Variants in CRIM1 observed in about 807,000 individuals in gnomAD.
CRIM1 encodes the protein cysteine rich transmembrane BMP regulator 1.
Under a neutral mutation model 116.4 loss-of-function variants are expected in CRIM1, and 32 were observed. The observed-to-expected ratio is 0.27, with a 90% CI of 0.21 to 0.37. The LOEUF (loss-of-function observed/expected upper bound fraction) is 0.37. Ranked by LOEUF, CRIM1 falls within the 10% of genes least tolerant of loss-of-function variation. The pLI is 1.00. For missense variants in CRIM1, 1,331 were observed against 1,354.8 expected (o/e 0.98, Z 0.28); for synonymous variants, 590 against 509.2 (o/e 1.16, Z -2.13).
At chr2:36,411,982 GTCTA>G (rs1452134273) in intron 2 of CRIM1, among the ~76,000 whole-genome samples, 2 of 152,078 alleles carry the variant, frequency 1.3e-5, no homozygotes, top group South Asian at 2.1e-4. Context: ...AAATTGTGTT[GTCTA>G]TCTGCTTCCC....
chr2:36,430,230 C>A (rs1674777974), intron 2 of CRIM1, among the ~76,000 whole-genome samples: 1 of 152,124 alleles, frequency 6.6e-6, no homozygotes, highest in South Asian at 2.1e-4. Flanking sequence ...GAGGCTGAAC[C>A]CCATCTTGCC....
At chr2:36,545,597 T>G (rs762894643) in intron 15 of CRIM1, among the ~76,000 whole-genome samples, 1 of 152,172 alleles carries the variant, frequency 6.6e-6, no homozygotes, top group Admixed American at 6.5e-5. Context: ...GTGAATCGTA[T>G]TAAAGACTGA....
At chr2:36,495,483 T>TTATTTA (rs1558368415) in intron 7 of CRIM1, among the ~76,000 whole-genome samples, 5 of 133,796 alleles carry the variant, frequency 3.7e-5, no homozygotes, top group Admixed American at 7.3e-5. Context: ...TTATTTTTTT[T>TTATTTA]TTTTTTTTTT....
chr2:36,544,451 C>T lies in CRIM1; in HGVS notation c.2699C>T (p.Pro900Leu). ...NHRGEVDLEV[P>L]LWPTPSENDI... The stretch of plus-strand genomic sequence containing the variant: ...CGAGGAGAGGTTGACCTGGAGGTTC[C>T]CCTGTGGCCCACGCCTAGTGAAAAT... The change falls in exon 15 of 17, where the codon CCC (proline) becomes CTC (leucine). Residue 900 changes from proline to leucine, a missense_variant. Around this residue, in one of 3 missense-constraint regions of CRIM1, gnomAD observed 283 missense variants for 242.8 expected, o/e 1.17. Transcript: ENST00000280527. 1 of 1,418,526 alleles carries T rather than the reference C, an allele frequency of 7.0e-7. No individual in the cohort carries two copies. The highest frequency in any genetic ancestry group is 9.3e-7 in the Non-Finnish European group (1 of 1,079,448). 87.9% of individuals were successfully genotyped at this position (1,418,526 alleles called of 1,614,324 possible).
At chr2:36,384,185 A>G (rs1670995561) in intron 1 of CRIM1, among the ~76,000 whole-genome samples, 1 of 152,242 alleles carries the variant, frequency 6.6e-6, no homozygotes, top group Admixed American at 6.5e-5. Flanking sequence ...GCTGGAGTGA[A>G]CCATGCACAC....
chr2:36,425,593 A>C (rs1232807999), intron 2 of CRIM1, among the ~76,000 whole-genome samples: 1 of 152,184 alleles, frequency 6.6e-6, no homozygotes, highest in Admixed American at 6.5e-5. Flanking sequence ...TTGGAACGGA[A>C]ATTAGATTCC....
chr2:36,483,110 A>G (rs1007166133), intron 7 of CRIM1, among the ~76,000 whole-genome samples: 4 of 152,186 alleles, frequency 2.6e-5, no homozygotes, highest in Non-Finnish European at 5.9e-5. Context: ...AAGCCTTTCC[A>G]GTCTGTTAAC....
Position 36,434,399 on chromosome 2 carries a change from C to T in CRIM1, c.506-6859C>T, listed in dbSNP as rs189232951. On this transcript the variant is annotated intron_variant, in intron 2 of 16. Transcript: ENST00000280527. ...CTAAATATACAGATACCAGCAACGC[C>T]GAGTAGGAAAGTTGAAGCTCTTCTT... Among the ~76,000 whole-genome samples the T allele has an allele frequency of 1.2e-3, 183 of 152,274 alleles. 1 individual carries two copies. The highest frequency in any genetic ancestry group is 4.1e-3 in the African/African-American group (170 of 41,558).
At chr2:36,519,687 G>T (rs72866885) in intron 12 of CRIM1, among the ~76,000 whole-genome samples, 3 of 152,170 alleles carry the variant, frequency 2.0e-5, no homozygotes, top group Non-Finnish European at 2.9e-5. Context: ...GCTTCCATCT[G>T]TAGGGTGCCT....
intron 8 of CRIM1, among the ~76,000 whole-genome samples, chr2:36,507,532 C>T (rs1681516197): frequency 6.6e-6 from 1 of 152,120 alleles, no homozygotes; most frequent in Non-Finnish European, 1.5e-5. Flanking sequence ...CCTAGAGCTC[C>T]CTCTATTGGG....
In CRIM1 at chr2:36,527,132, T is replaced by TG. The variant is rs541481569; in HGVS notation, c.2428+4820dup. Among the ~76,000 whole-genome samples the TG allele has an allele frequency of 4.0e-3, 604 of 151,324 alleles. 2 individuals are homozygous for TG. Among genetic ancestry groups the TG allele is most frequent in the African/African-American group, 0.013 (557 of 41,270 alleles). On this transcript the variant is annotated intron_variant, in intron 13 of 16. Transcript: ENST00000280527. The stretch of plus-strand genomic sequence containing the variant: ...TCTCACTTCAGAAATTGTGGATGAT[T>TG]GTTTGTGTTTATTATATATAATATA...
chr2:36,360,907 A>C (rs974925883), intron 1 of CRIM1, among the ~76,000 whole-genome samples: 1 of 152,190 alleles, frequency 6.6e-6, no homozygotes, highest in Non-Finnish European at 1.5e-5. Flanking sequence ...TTTTCCTCTC[A>C]GAAGTCCTTA....
At chr2:36,504,716 T>C (rs1259978183) in intron 8 of CRIM1, among the ~76,000 whole-genome samples, 2 of 152,224 alleles carry the variant, frequency 1.3e-5, no homozygotes, top group Non-Finnish European at 1.5e-5. Context: ...CCTAACACTT[T>C]GTAGATACAA....
intron 1 of CRIM1, among the ~76,000 whole-genome samples, chr2:36,365,696 G>A (rs796906601): frequency 6.6e-6 from 1 of 151,742 alleles, no homozygotes; most frequent in African/African-American, 2.4e-5. Flanking sequence ...GTGTGGGTAT[G>A]GTCCCATTTT....
intron 2 of CRIM1, among the ~76,000 whole-genome samples, chr2:36,430,096 A>G (rs1209670001): frequency 1.3e-5 from 2 of 152,222 alleles, no homozygotes; most frequent in Non-Finnish European, 2.9e-5. Flanking sequence ...CAGATGTGCA[A>G]AAGTTCCTCC....
chr2:36,467,023 G>A (rs893709961), intron 5 of CRIM1, among the ~76,000 whole-genome samples: 1 of 152,092 alleles, frequency 6.6e-6, no homozygotes, highest in Non-Finnish European at 1.5e-5. Context: ...ACTAATAGCC[G>A]TACCTCCACC....
Position 36,375,509 on chromosome 2 carries a change from T to G in CRIM1, c.331+18886T>G, listed in dbSNP as rs72863617. Among the ~76,000 whole-genome samples the G allele has an allele frequency of 4.8e-3, 728 of 152,314 alleles. 9 individuals are homozygous for G. Among genetic ancestry groups the G allele is most frequent in the East Asian group, 0.018 (92 of 5,186 alleles). Reference sequence around the variant, plus strand: ...GCTTCAAATATATTTTATGTAAATGTTAAGTGCTCTTTAGATTAGCAAAAG... The same window carrying G: ...GCTTCAAATATATTTTATGTAAATGGTAAGTGCTCTTTAGATTAGCAAAAG... On this transcript the variant is annotated intron_variant, in intron 1 of 16. Transcript: ENST00000280527.
chr2:36,371,065 A>G (rs1669911196), intron 1 of CRIM1, among the ~76,000 whole-genome samples: 1 of 152,204 alleles, frequency 6.6e-6, no homozygotes. Context: ...CTTAATATCT[A>G]GTGCAACCAA....
At chr2:36,527,388 A>C (rs1431341178) in intron 13 of CRIM1, among the ~76,000 whole-genome samples, 2 of 152,088 alleles carry the variant, frequency 1.3e-5, no homozygotes. Context: ...TTTGATTAGA[A>C]GTTAGCTATT....
Sources: gnomAD v4.1 joint callset for allele counts (sites outside exome capture counted in the v4.1 genomes callset) on GRCh38, gnomAD v4.1.1 for gene constraint, gnomAD v4.1.1 regional missense constraint, MANE v1.5 for transcripts, NCBI Gene and HGNC (gene_info 2026-07-23, HGNC 2026-07-21) for gene names.